Variants in PIAS3 observed in about 807,000 individuals in gnomAD.
PIAS3 encodes protein inhibitor of activated STAT 3, also known as E3 SUMO-protein ligase PIAS3.
A neutral mutation model predicts 67.6 loss-of-function variants in PIAS3; 34 were observed. The ratio of observed to expected loss-of-function variants is 0.50; its 90% confidence interval spans 0.38 to 0.67. The LOEUF is 0.67. PIAS3 is among the 30% of genes least tolerant of loss of function. The pLI, the probability that PIAS3 is intolerant of heterozygous loss-of-function variation, is 0.00. For synonymous variants in PIAS3, 341 were observed against 313.8 expected, an observed-to-expected ratio of 1.09 and a Z score of -0.92; for missense variants, 693 against 791.6, an observed-to-expected ratio of 0.88 and a Z score of 1.49.
At chr1:145,857,926 G>A (rs1232351765) in intron 1 of PIAS3, among the ~76,000 whole-genome samples, 1 of 152,194 alleles carries the variant, frequency 6.6e-6, no homozygotes, top group Non-Finnish European at 1.5e-5. Flanking sequence ...CTGAGTCAGG[G>A]CACAGAATCG....
chr1:145,850,685 G>A, intron 11 of PIAS3, 86 bp downstream of exon 11: 2 of 1,594,042 alleles, frequency 1.3e-6, no homozygotes, highest in African/African-American at 1.3e-5. Context: ...CATTTCTCTT[G>A]CCCCAGGCTT....
Position 145,858,952 on chromosome 1 carries a change from GGA to G in PIAS3, c.24+13_24+14del. On this transcript the variant is annotated intron_variant, in intron 1 of 13. Transcript: ENST00000393045. ...GGGCTGAGTCCAGATGGGGATGGGG[GGA>G]GGGGGCCGGTACCTTTAATTCGCCC... The G allele has an allele frequency of 6.6e-7, 1 of 1,523,874 alleles. No homozygotes were observed. Among genetic ancestry groups the G allele is most frequent in the South Asian group, 1.2e-5 (1 of 81,272 alleles). The allele number at this position is 1,523,874 out of a possible 1,614,324, so 94.4% of individuals were successfully genotyped here.
intron 1 of PIAS3, 129 bp from the exon 2 acceptor site, chr1:145,857,135 G>C (rs587598945): frequency 1.3e-6 from 1 of 799,052 alleles, no homozygotes; most frequent in East Asian, 2.5e-5. Context: ...ATGCTTCGCA[G>C]CTAGTGGATT....
chr1:145,857,200 A>G, intron 1 of PIAS3, 194 bp from the exon 2 acceptor site: 1 of 598,860 alleles, frequency 1.7e-6, no homozygotes, highest in Non-Finnish European at 3.0e-6. Context: ...TTTAGCAACC[A>G]TCAGGTCAGC....
chr1:145,856,707 G>A lies in PIAS3; in HGVS notation c.324C>T (p.Gly108=). ...GGTGCATGTCCACCTCACGCTTGGG[G>A]CCCAGCAGGGTGCCAGGGGCCAACA... ...PTLLAPGTLL[G]PKREVDMHPP... Residue 108 remains glycine, a synonymous_variant, in exon 2 of 14, where the codon GGC becomes GGT. Coordinates refer to ENST00000393045, the MANE Select transcript of PIAS3 (RefSeq NM_006099.3). The A allele has an allele frequency of 6.2e-7, 1 of 1,613,116 alleles. No individual in the cohort carries two copies. Among genetic ancestry groups the A allele is most frequent in the Non-Finnish European group, 8.5e-7 (1 of 1,179,292 alleles).
At chr1:145,855,955 G>A (rs1292384949) in intron 4 of PIAS3, 113 bp downstream of exon 4, 12 of 1,069,030 alleles carry the variant, frequency 1.1e-5, no homozygotes, top group Non-Finnish European at 1.8e-5. Context: ...AAGAGTCGCA[G>A]GGCTGCAGTA....
chr1:145,850,253 T>C lies in PIAS3; in HGVS notation c.1599A>G (p.Ser533=), dbSNP rs782171483. 7.4e-6 allele frequency: 12 copies of C among 1,614,114 alleles called. No individual in the cohort carries two copies. The South Asian group carries it at 1.2e-4, about 16-fold the overall frequency. The change falls in exon 13 of 14, where the codon TCA becomes TCG. Residue 533 remains serine, a synonymous_variant. Transcript: ENST00000393045. Reference sequence around the variant, plus strand: ...TTACCTGACTCTCTGTCTGAAGAAATGAAAATAAATCTAAACCTGGCAGGA... The same window carrying C: ...TTACCTGACTCTCTGTCTGAAGAAACGAAAATAAATCTAAACCTGGCAGGA... The part of the protein sequence containing the change: ...GADIQGLDLF[S]FLQTESQHYG...
Position 145,856,718 on chromosome 1 carries a change from T to G in PIAS3, c.313A>C (p.Thr105Pro), listed in dbSNP as rs1570779412. The change falls in exon 2 of 14, where the codon ACC (threonine) becomes CCC (proline). Residue 105 changes from threonine to proline, a missense_variant. Thr to Pro is a conservative substitution (Grantham distance 38). Transcript: ENST00000393045. ...PIPPTLLAPG[T>P]LLGPKREVDM... ...ACCTCACGCTTGGGGCCCAGCAGGG[T>G]GCCAGGGGCCAACAGCGTTGGGGGA... 6.2e-7 allele frequency: 1 copy of G among 1,613,384 alleles called. No individual in the cohort carries two copies. The highest frequency in any genetic ancestry group is 2.2e-5 in the East Asian group (1 of 44,868).
rs781820218 is a variant in PIAS3, at chr1:145,856,054, G to A, written c.578+14C>T. On this transcript the variant is annotated intron_variant, in intron 4 of 13. Coordinates refer to ENST00000393045, the MANE Select transcript of PIAS3 (RefSeq NM_006099.3). ...CCAGTGGGTACCCAGGATAGGCAGG[G>A]AGGATGAACTCACCTTAGCTGCACC... 6.8e-6 allele frequency: 11 copies of A among 1,610,922 alleles called. No homozygotes were observed. The highest frequency in any genetic ancestry group is 1.1e-5 in the South Asian group (1 of 91,008).
intron 9 of PIAS3, among the ~76,000 whole-genome samples, chr1:145,852,440 C>CAGTACACT (rs1264493752): frequency 6.6e-6 from 1 of 152,136 alleles, no homozygotes; most frequent in Non-Finnish European, 1.5e-5. Flanking sequence ...TATGACAGTT[C>CAGTACACT]AGTACACTGG....
chr1:145,853,755 G>C (rs1653054431), intron 8 of PIAS3, 58 bp downstream of exon 8: 1 of 1,607,282 alleles, frequency 6.2e-7, no homozygotes, highest in African/African-American at 1.3e-5. Context: ...CCTCATCAAA[G>C]TCCACAGGCT....
rs1553735783 is a variant in PIAS3, at chr1:145,856,994, T to G, written c.37A>C (p.Ser13Arg). The change falls in exon 2 of 14, where the codon AGT (serine) becomes CGT (arginine). Residue 13 changes from serine (S) to arginine (R), a missense_variant. This residue lies in a region of PIAS3 where 308 missense variants were observed against 348.8 expected (regional missense o/e 0.88). Transcript: ENST00000393045. ...ELGELKHMVMSFRVSELQVLL... is the reference protein window; with the variant it reads ...ELGELKHMVMRFRVSELQVLL... The stretch of plus-strand genomic sequence containing the variant: ...ACCTGGAGCTCAGACACCCGGAAAC[T>G]CATCACCATGTGCTGTGGAGAAAAA... The G allele has an allele frequency of 6.2e-7, 1 of 1,613,906 alleles. No homozygotes were observed. Among genetic ancestry groups the G allele is most frequent in the South Asian group, 1.1e-5 (1 of 91,080 alleles).
Position 145,853,789 on chromosome 1 carries a change from G to A in PIAS3, c.984+24C>T, listed in dbSNP as rs192726635. The A allele has an allele frequency of 3.1e-6, 5 of 1,611,798 alleles. No individual in the cohort carries two copies. In the East Asian group the frequency reaches 1.1e-4, roughly 36 times the overall value. Reference sequence around the variant, plus strand: ...CTAAACCCAACTCCCTTCCCACCCTGTTCCCTTCTCCCCTTTTACCCACCG... The same window carrying A: ...CTAAACCCAACTCCCTTCCCACCCTATTCCCTTCTCCCCTTTTACCCACCG... On this transcript the variant is annotated intron_variant, in intron 8 of 13. Transcript: ENST00000393045.
chr1:145,854,656 A>G (rs1553735145), intron 6 of PIAS3, 90 bp downstream of exon 6: 38 of 1,596,726 alleles, frequency 2.4e-5, no homozygotes, highest in Middle Eastern at 1.7e-4. Flanking sequence ...AGACTCATAA[A>G]GAGGAAAATG....
Position 145,854,558 on chromosome 1 carries a change from G to A in PIAS3, c.810C>T (p.Tyr270=). The A allele has an allele frequency of 1.2e-6, 2 of 1,612,726 alleles. No homozygotes were observed. Among genetic ancestry groups the A allele is most frequent in the Non-Finnish European group, 8.5e-7 (1 of 1,178,712 alleles). Residue 270 remains tyrosine (Y), a synonymous_variant, in exon 7 of 14, where the codon TAC becomes TAT. Coordinates refer to ENST00000393045, the MANE Select transcript of PIAS3 (RefSeq NM_006099.3). ...VNWSSEFGRN[Y]SLSVYLVRQL... ...GCCTCACCAGGTACACAGACAAGGA[G>A]TAATTCTACTTGGAGGCAGGGGGTA... is the stretch of plus-strand genomic sequence containing the variant.
Position 145,856,960 on chromosome 1 carries a change from C to A in PIAS3, c.71G>T (p.Gly24Val). 1 of 1,614,154 alleles carries A rather than the reference C, an allele frequency of 6.2e-7. No individual in the cohort carries two copies. Among genetic ancestry groups the A allele is most frequent in the Non-Finnish European group, 8.5e-7 (1 of 1,180,002 alleles). ...TCCACTCTTGTTCCGGCCAGCAAAG[C>A]CAAGAAGCACCTGGAGCTCAGACAC... The part of the protein sequence containing the change: ...FRVSELQVLL[G>V]FAGRNKSGRK... The change falls in exon 2 of 14, where the codon GGC (glycine) becomes GTC (valine). Residue 24 changes from glycine to valine, a missense_variant. Around this residue, in one of 3 missense-constraint regions of PIAS3, gnomAD observed 308 missense variants for 348.8 expected, o/e 0.88. Transcript: ENST00000393045.
At chr1:145,855,902 C>T in intron 4 of PIAS3, 76 bp from the exon 5 acceptor site, 1 of 1,141,016 alleles carries the variant, frequency 8.8e-7, no homozygotes, top group Non-Finnish European at 1.3e-6. Flanking sequence ...ACAGGGAACC[C>T]CAGAAAATCA....
chr1:145,857,256 C>T (rs2101686534), intron 1 of PIAS3: 3 of 533,946 alleles, frequency 5.6e-6, no homozygotes. Flanking sequence ...TTTCCCCAGG[C>T]CTGGAAGCAG....
In PIAS3 at chr1:145,852,890, G is replaced by A. The variant is rs587711845; in HGVS notation, c.1145+614C>T. Among the ~76,000 whole-genome samples, 8 of 152,180 alleles carry A rather than the reference G, an allele frequency of 5.3e-5. No individual in the cohort carries two copies. The South Asian group carries it at 1.7e-3, about 32-fold the overall frequency. On this transcript the variant is annotated intron_variant, in intron 9 of 13. Transcript: ENST00000393045. ...ATTACAGGTAGGAGCCGAGTCCATA[G>A]GGTTATTGTGAGGATTCAATGAGAT...
Sources: gnomAD v4.1 joint callset for allele counts (sites outside exome capture counted in the v4.1 genomes callset) on GRCh38, gnomAD v4.1.1 for gene constraint, gnomAD v4.1.1 regional missense constraint, MANE v1.5 for transcripts, NCBI Gene and HGNC (gene_info 2026-07-23, HGNC 2026-07-21) for gene names.